Variants in PCDHGA10 observed in about 807,000 individuals in gnomAD.
PCDHGA10 encodes protocadherin gamma subfamily A, 10.
Under a neutral mutation model 59.5 loss-of-function variants are expected in PCDHGA10, and 42 were observed. That is an observed-to-expected ratio of 0.71 (90% CI 0.55 to 0.91). PCDHGA10 has a LOEUF of 0.91. Among genes scored for constraint, PCDHGA10 ranks in the 40% least tolerant of loss-of-function variants. PCDHGA10 has a pLI of 0.00. For missense variants in PCDHGA10, 1,111 were observed against 1,198.2 expected (o/e 0.93, Z 1.07); for synonymous variants, 511 against 517.2 (o/e 0.99, Z 0.16).
In PCDHGA10 at chr5:141,433,028, G is replaced by T. The variant is rs539293579; in HGVS notation, c.2436+17417G>T. 27 of 1,614,116 alleles carry T rather than the reference G, an allele frequency of 1.7e-5. No individual in the cohort carries two copies. The highest frequency in any genetic ancestry group is 6.7e-5 in the Admixed American group (4 of 60,018). On this transcript the variant is annotated intron_variant, in intron 1 of 3. Coordinates refer to ENST00000398610, the MANE Select transcript of PCDHGA10 (RefSeq NM_018913.3). ...TTTCCTGCAGACCTATTCCCACGAG[G>T]TTTCCCTCACCACGGACTCGCGGAA...
At chr5:141,425,110 C>T (rs1335909720) in intron 1 of PCDHGA10, among the ~76,000 whole-genome samples, 1 of 152,166 alleles carries the variant, frequency 6.6e-6, no homozygotes, top group East Asian at 1.9e-4. Context: ...CAGATGCCTA[C>T]ATTTTTCTTG....
At chr5:141,449,101 G>A (rs1020443363) in intron 1 of PCDHGA10, among the ~76,000 whole-genome samples, 2 of 152,144 alleles carry the variant, frequency 1.3e-5, no homozygotes, top group African/African-American at 2.4e-5. Flanking sequence ...TACATATGCA[G>A]TATATCTTTG....
At chr5:141,473,212 C>G (rs1311953997) in intron 1 of PCDHGA10, among the ~76,000 whole-genome samples, 1 of 152,012 alleles carries the variant, frequency 6.6e-6, no homozygotes, top group Non-Finnish European at 1.5e-5. Flanking sequence ...AAAATGCTTA[C>G]TTCCAGGGAG....
At chr5:141,438,538 A>G (rs950527053) in intron 1 of PCDHGA10, among the ~76,000 whole-genome samples, 2 of 145,166 alleles carry the variant, frequency 1.4e-5, no homozygotes, top group African/African-American at 2.6e-5. Context: ...CTTTTCCTCT[A>G]TATCTAAGCC....
chr5:141,510,032 T>C (rs1410346284), intron 3 of PCDHGA10, among the ~76,000 whole-genome samples: 3 of 152,150 alleles, frequency 2.0e-5, no homozygotes, highest in Non-Finnish European at 4.4e-5. Flanking sequence ...GCTGGGCTGT[T>C]ATGTAGAGGT....
Position 141,477,201 on chromosome 5 carries a change from C to T in PCDHGA10, c.2437-17606C>T, listed in dbSNP as rs1269388368. 6.2e-7 allele frequency: 1 copy of T among 1,614,076 alleles called. No homozygotes were observed. Among genetic ancestry groups the T allele is most frequent in the Non-Finnish European group, 8.5e-7 (1 of 1,180,056 alleles). On this transcript the variant is annotated intron_variant, in intron 1 of 3. Transcript: ENST00000398610. The surrounding 1 kb of genome is among the most constrained non-coding windows in gnomAD (Gnocchi z 4.9). ...GTCACCTCCGTGTACAGCCCAGTAC[C>T]CGAGGATGCCCCTCTGGGGACTGTC... is the stretch of plus-strand genomic sequence containing the variant.
In PCDHGA10 at chr5:141,500,938, G is replaced by A. The variant is rs1317178701; in HGVS notation, c.2496-4455G>A. On this transcript the variant is annotated intron_variant, in intron 2 of 3. Transcript: ENST00000398610. Reference sequence around the variant, plus strand: ...GGCTGGGGTGCAGTGGCGCCATCTCGGCTCACTGCAAGCTCCACCTCCTGG... The same window carrying A: ...GGCTGGGGTGCAGTGGCGCCATCTCAGCTCACTGCAAGCTCCACCTCCTGG... 2.6e-5 allele frequency among the ~76,000 whole-genome samples: 4 copies of A among 151,060 alleles called. No homozygotes were observed. The East Asian group carries it at 5.8e-4, about 22-fold the overall frequency.
At chr5:141,502,708 A>G (rs1172090234) in intron 2 of PCDHGA10, among the ~76,000 whole-genome samples, 1 of 152,204 alleles carries the variant, frequency 6.6e-6, no homozygotes, top group Non-Finnish European at 1.5e-5. Flanking sequence ...CTGTTTTTAC[A>G]TCAGTGATTA....
chr5:141,491,414 G>C lies in PCDHGA10; in HGVS notation c.2437-3393G>C, dbSNP rs137987971. 35 of 1,614,008 alleles carry C rather than the reference G, an allele frequency of 2.2e-5. No homozygotes were observed. Among genetic ancestry groups the C allele is most frequent in the African/African-American group, 1.3e-4 (10 of 74,910 alleles). On this transcript the variant is annotated intron_variant, in intron 1 of 3. Coordinates refer to ENST00000398610, the MANE Select transcript of PCDHGA10 (RefSeq NM_018913.3). The surrounding 1 kb of genome is among the most constrained non-coding windows in gnomAD (Gnocchi z 6.9). ...CTTCAGGGAAACGCAGACGGGGACG[G>C]GGGTGGAGGGCAGTGCTGCAGGCGC...
chr5:141,477,013 T>C lies in PCDHGA10; in HGVS notation c.2437-17794T>C. ...TGCGGCAACTATTCGCCTTAGACCT[T>C]GTAACCGGGATGCTGACAATCAAGG... On this transcript the variant is annotated intron_variant, in intron 1 of 3. Coordinates refer to ENST00000398610, the MANE Select transcript of PCDHGA10 (RefSeq NM_018913.3). The surrounding 1 kb of genome is among the most constrained non-coding windows in gnomAD (Gnocchi z 4.9). 6.2e-7 allele frequency: 1 copy of C among 1,614,204 alleles called. No homozygotes were observed. The highest frequency in any genetic ancestry group is 8.5e-7 in the Non-Finnish European group (1 of 1,180,028).
At position 141,477,056 on chromosome 5, in the gene PCDHGA10, G is replaced by T; in HGVS notation, c.2437-17751G>T. 6.2e-7 allele frequency: 1 copy of T among 1,614,242 alleles called. No homozygotes were observed. The highest frequency in any genetic ancestry group is 8.5e-7 in the Non-Finnish European group (1 of 1,180,046). Reference sequence around the variant, plus strand: ...AATCAAGGGTCGGCTGGACTTCGAGGACACCAAACTCCATGAGATTTACAT... The same window carrying T: ...AATCAAGGGTCGGCTGGACTTCGAGTACACCAAACTCCATGAGATTTACAT... On this transcript the variant is annotated intron_variant, in intron 1 of 3. Coordinates refer to ENST00000398610, the MANE Select transcript of PCDHGA10 (RefSeq NM_018913.3). This position sits in a 1 kb window ranked among gnomAD's most constrained non-coding sequence, Gnocchi z 4.9.
rs559433377 is a variant in PCDHGA10, at chr5:141,432,679, G to A, written c.2436+17068G>A. ...TGCTGGACAGAGACGCGCTCAAGCAGAGCCTCGTAGTGGCCGTCCAGGACC... is the reference window on the plus strand; with the variant it reads ...TGCTGGACAGAGACGCGCTCAAGCAAAGCCTCGTAGTGGCCGTCCAGGACC... On this transcript the variant is annotated intron_variant, in intron 1 of 3. Transcript: ENST00000398610. The surrounding 1 kb of genome is among the most constrained non-coding windows in gnomAD (Gnocchi z 6.0). The A allele has an allele frequency of 2.3e-4, 369 of 1,613,834 alleles. 1 individual carries two copies. The highest frequency in any genetic ancestry group is 1.7e-4 in the Middle Eastern group (1 of 6,056).
chr5:141,487,811 A>C lies in PCDHGA10; in HGVS notation c.2437-6996A>C, dbSNP rs1389081995. 2 of 1,414,662 alleles carry C rather than the reference A, an allele frequency of 1.4e-6. No homozygotes were observed. The highest frequency in any genetic ancestry group is 1.9e-6 in the Non-Finnish European group (2 of 1,041,698). The allele number at this position is 1,414,662 out of a possible 1,614,324, so 87.6% of individuals were successfully genotyped here. On this transcript the variant is annotated intron_variant, in intron 1 of 3. Coordinates refer to ENST00000398610, the MANE Select transcript of PCDHGA10 (RefSeq NM_018913.3). This position sits in a 1 kb window ranked among gnomAD's most constrained non-coding sequence, Gnocchi z 5.0. ...TTAACCAGAGTTGTCACAGTTTAGC[A>C]TTGGGGGCGGGTCATGCCTATATCT...
At position 141,431,850 on chromosome 5, in the gene PCDHGA10, C is replaced by T; in HGVS notation, c.2436+16239C>T. On this transcript the variant is annotated intron_variant, in intron 1 of 3. Transcript: ENST00000398610. The surrounding 1 kb of genome is among the most constrained non-coding windows in gnomAD (Gnocchi z 4.8). ...GTTCCCGAAAACTCTCCCAGAGGGA[C>T]ATTAATTGCCCTTTTAAATGTAAAT... The T allele has an allele frequency of 1.9e-6, 3 of 1,614,234 alleles. No homozygotes were observed. The highest frequency in any genetic ancestry group is 2.2e-5 in the South Asian group (2 of 91,090).
intron 1 of PCDHGA10, among the ~76,000 whole-genome samples, chr5:141,484,281 C>T (rs969039536): frequency 6.6e-6 from 1 of 152,202 alleles, no homozygotes; most frequent in Admixed American, 6.5e-5. Context: ...TGTTTTGAAA[C>T]ATCTCCCTCT....
intron 1 of PCDHGA10, among the ~76,000 whole-genome samples, chr5:141,435,698 A>G (rs954167256): frequency 1.3e-5 from 2 of 152,184 alleles, no homozygotes; most frequent in African/African-American, 4.8e-5. Context: ...CTTATTGTAG[A>G]GTGGTTACAG....
intron 1 of PCDHGA10, among the ~76,000 whole-genome samples, chr5:141,439,190 C>CAAA (rs200519543): frequency 1.8e-5 from 2 of 111,760 alleles, no homozygotes; most frequent in African/African-American, 6.3e-5. Context: ...GAGACTCTGA[C>CAAA]AAAAAAAAAA....
At position 141,483,010 on chromosome 5, in the gene PCDHGA10, G is replaced by A. The variant is rs574078222; in HGVS notation, c.2437-11797G>A. Among the ~76,000 whole-genome samples the A allele has an allele frequency of 1.3e-3, 204 of 152,122 alleles. 1 individual carries two copies. Among genetic ancestry groups the A allele is most frequent in the African/African-American group, 4.0e-3 (168 of 41,498 alleles). On this transcript the variant is annotated intron_variant, in intron 1 of 3. Coordinates refer to ENST00000398610, the MANE Select transcript of PCDHGA10 (RefSeq NM_018913.3). Reference sequence around the variant, plus strand: ...CGAGGCAGGAGAATTGCTTGAACCCGGGAGGCAGAGGTTGCAATGAGCTGG... The same window carrying A: ...CGAGGCAGGAGAATTGCTTGAACCCAGGAGGCAGAGGTTGCAATGAGCTGG...
chr5:141,478,599 T>A, intron 1 of PCDHGA10: 1 of 1,565,814 alleles, frequency 6.4e-7, no homozygotes, highest in Non-Finnish European at 8.7e-7. Flanking sequence ...TATTCCTACA[T>A]CATATTGAGG....
Sources: allele counts gnomAD v4.1 joint callset (sites outside exome capture counted in the v4.1 genomes callset), GRCh38; gene constraint gnomAD v4.1.1; non-coding constraint Gnocchi (gnomAD v3.1); transcripts MANE v1.5; gene names NCBI Gene and HGNC (gene_info 2026-07-23, HGNC 2026-07-21).